GRID2: variants seen among roughly 807,000 people sequenced by gnomAD.
GRID2 encodes glutamate receptor ionotropic, delta-2.
GRID2 carries 33 observed loss-of-function variants against 114.8 expected under a neutral mutation model. That is an observed-to-expected ratio of 0.29 (90% CI 0.22 to 0.38). The LOEUF is 0.38. Ranked by LOEUF, GRID2 falls within the 10% of genes least tolerant of loss-of-function variation. The pLI is 1.00. For missense variants in GRID2, 1,184 were observed against 1,257.7 expected (o/e 0.94, Z 0.89); for synonymous variants, 505 against 449.9 (o/e 1.12, Z -1.55).
intron 8 of GRID2, among the ~76,000 whole-genome samples, chr4:93,322,780 A>T (rs1757376472): frequency 6.6e-6 from 1 of 151,942 alleles, no homozygotes; most frequent in Non-Finnish European, 1.5e-5. Context: ...TTTGATTTGC[A>T]TTTCTCTGAT....
At chr4:92,525,088 G>T (rs533499026) in intron 1 of GRID2, among the ~76,000 whole-genome samples, 5 of 151,920 alleles carry the variant, frequency 3.3e-5, no homozygotes, top group Non-Finnish European at 4.4e-5. Context: ...ATTTGCAAAA[G>T]AAAAGGCTGA....
intron 2 of GRID2, among the ~76,000 whole-genome samples, chr4:92,939,749 G>A (rs1282052862): frequency 6.8e-6 from 1 of 147,374 alleles, no homozygotes; most frequent in Non-Finnish European, 1.5e-5. Flanking sequence ...GGTATAAGGT[G>A]TAAGGAAGGG....
intron 2 of GRID2, among the ~76,000 whole-genome samples, chr4:93,005,266 T>G (rs1721390901): frequency 6.6e-6 from 1 of 152,132 alleles, no homozygotes; most frequent in Non-Finnish European, 1.5e-5. Context: ...TCCACAAATT[T>G]AGGAGTTATT....
At position 93,047,924 on chromosome 4, in the gene GRID2, A is replaced by T. The variant is rs1248505367; in HGVS notation, c.245-37071A>T. ...CTAAGGAAAAAAATAAGACTCTGAG[A>T]CCTAAGATTGTTTTCTAAGCCAGTT... On this transcript the variant is annotated intron_variant, in intron 2 of 15. Transcript: ENST00000282020. 3.3e-5 allele frequency among the ~76,000 whole-genome samples: 5 copies of T among 152,128 alleles called. No homozygotes were observed. In the East Asian group the frequency reaches 9.7e-4, roughly 29 times the overall value.
At chr4:93,253,144 T>TAA (rs911221934) in intron 8 of GRID2, among the ~76,000 whole-genome samples, 1 of 150,682 alleles carries the variant, frequency 6.6e-6, no homozygotes, top group Non-Finnish European at 1.5e-5. Flanking sequence ...TAGTCCCAGC[T>TAA]ACTCAGGAGG....
At chr4:92,875,687 A>G (rs1400207885) in intron 2 of GRID2, among the ~76,000 whole-genome samples, 1 of 152,172 alleles carries the variant, frequency 6.6e-6, no homozygotes, top group African/African-American at 2.4e-5. Flanking sequence ...GGAAACACTG[A>G]TTTAATATCA....
At chr4:93,310,932 C>A (rs978567357) in intron 8 of GRID2, among the ~76,000 whole-genome samples, 6 of 152,136 alleles carry the variant, frequency 3.9e-5, no homozygotes, top group Non-Finnish European at 5.9e-5. Flanking sequence ...TTTACTGGAA[C>A]AAACAAGACA....
intron 1 of GRID2, among the ~76,000 whole-genome samples, chr4:92,571,678 A>T (rs1460087164): frequency 6.6e-6 from 1 of 152,106 alleles, no homozygotes; most frequent in Admixed American, 6.6e-5. Context: ...ATTATAACAA[A>T]CTGTCTCTCA....
intron 1 of GRID2, among the ~76,000 whole-genome samples, chr4:92,523,837 G>T (rs1006314252): frequency 6.6e-6 from 1 of 151,908 alleles, no homozygotes; most frequent in Non-Finnish European, 1.5e-5. Context: ...GTTCTAACAA[G>T]AAGGGAAGGG....
intron 1 of GRID2, among the ~76,000 whole-genome samples, chr4:92,395,126 A>G (rs1730430054): frequency 6.6e-6 from 1 of 151,716 alleles, no homozygotes; most frequent in African/African-American, 2.4e-5. Context: ...TGTGTAGAAT[A>G]TAGAGTTTGT....
intron 8 of GRID2, among the ~76,000 whole-genome samples, chr4:93,359,033 G>A (rs1761617674): frequency 6.6e-6 from 1 of 151,984 alleles, no homozygotes; most frequent in South Asian, 2.1e-4. Flanking sequence ...TGCTGAACTG[G>A]ATCAGGTTTG....
At chr4:92,613,296 T>C (rs1226486966) in intron 2 of GRID2, among the ~76,000 whole-genome samples, 1 of 151,362 alleles carries the variant, frequency 6.6e-6, no homozygotes, top group Non-Finnish European at 1.5e-5. Flanking sequence ...GTAAAATATT[T>C]TTTACATATT....
At chr4:92,583,921 A>ATGTGTATATATTTATATACACATATATG (rs1307180726) in intron 1 of GRID2, among the ~76,000 whole-genome samples, 1 of 119,830 alleles carries the variant, frequency 8.3e-6, no homozygotes, top group African/African-American at 3.3e-5. Flanking sequence ...ATACACATAT[A>ATGTGTATATATTTATATACACATATATG]TGTATATATA....
chr4:92,915,631 G>A (rs1748724397), intron 2 of GRID2, among the ~76,000 whole-genome samples: 1 of 151,926 alleles, frequency 6.6e-6, no homozygotes, highest in African/African-American at 2.4e-5. Flanking sequence ...ATTTTTGAGG[G>A]ATCAACCCAC....
chr4:92,763,652 G>A (rs1035237340), intron 2 of GRID2, among the ~76,000 whole-genome samples: 5 of 152,092 alleles, frequency 3.3e-5, no homozygotes, highest in Non-Finnish European at 7.4e-5. Flanking sequence ...TATGTGGAGC[G>A]TAATTTTTTG....
intron 4 of GRID2, among the ~76,000 whole-genome samples, chr4:93,198,295 C>T (rs1438367178): frequency 1.3e-5 from 2 of 152,030 alleles, no homozygotes; most frequent in Non-Finnish European, 2.9e-5. Flanking sequence ...GGGATAAATG[C>T]TCTAAAGAAT....
intron 1 of GRID2, among the ~76,000 whole-genome samples, chr4:92,422,325 A>G: frequency 6.6e-6 from 1 of 152,158 alleles, no homozygotes; most frequent in Non-Finnish European, 1.5e-5. Context: ...AGAACATTAT[A>G]GGCATGAAAT....
At chr4:92,960,020 A>G (rs1043022849) in intron 2 of GRID2, among the ~76,000 whole-genome samples, 3 of 151,772 alleles carry the variant, frequency 2.0e-5, no homozygotes, top group African/African-American at 4.8e-5. Context: ...AAAAAAGGAG[A>G]GAAGAGAAAA....
At chr4:92,321,165 C>A (rs1251833457) in intron 1 of GRID2, among the ~76,000 whole-genome samples, 2 of 152,114 alleles carry the variant, frequency 1.3e-5, no homozygotes, top group African/African-American at 4.8e-5. Flanking sequence ...CCAAGGATGG[C>A]AGAAGTAAAG....
Sources: gnomAD v4.1 joint callset for allele counts (sites outside exome capture counted in the v4.1 genomes callset) on GRCh38, gnomAD v4.1.1 for gene constraint, MANE v1.5 for transcripts, NCBI Gene and HGNC (gene_info 2026-07-23, HGNC 2026-07-21) for gene names.